The following ARHGAP15 variants were observed in gnomAD, a reference collection of about 807,000 sequenced individuals.
The protein encoded by ARHGAP15 is Rho GTPase activating protein 15, also known as rho GTPase-activating protein 15.
A neutral mutation model predicts 63.7 loss-of-function variants in ARHGAP15; 51 were observed. That is an observed-to-expected ratio of 0.80 (90% confidence interval 0.64 to 1.01). ARHGAP15 has a LOEUF of 1.01. Among genes scored for constraint, ARHGAP15 ranks in the 50% least tolerant of loss-of-function variants. ARHGAP15 has a pLI of 0.00. For missense variants in ARHGAP15, 560 were observed against 564.6 expected, an observed-to-expected ratio of 0.99 and a Z score of 0.08; for synonymous variants, 191 against 193.8, an observed-to-expected ratio of 0.99 and a Z score of 0.12.
At chr2:143,759,728 A>G (rs1225611390) in intron 13 of ARHGAP15, among the ~76,000 whole-genome samples, 1 of 152,134 alleles carries the variant, frequency 6.6e-6, no homozygotes, top group Non-Finnish European at 1.5e-5. Flanking sequence ...GCACCTCGAC[A>G]GGACTCTGCT....
chr2:143,235,894 C>G, intron 5 of ARHGAP15: 4 of 1,515,170 alleles, frequency 2.6e-6, no homozygotes, highest in Non-Finnish European at 3.5e-6. Context: ...TTGACTCTAG[C>G]ACTTCATTTG....
chr2:143,428,860 A>G (rs1689252998), intron 6 of ARHGAP15, among the ~76,000 whole-genome samples: 1 of 152,154 alleles, frequency 6.6e-6, no homozygotes, highest in Non-Finnish European at 1.5e-5. Context: ...CTAAATGAGT[A>G]ATTGAACACA....
chr2:143,328,673 T>C (rs1684367531), intron 6 of ARHGAP15, among the ~76,000 whole-genome samples: 1 of 152,152 alleles, frequency 6.6e-6, no homozygotes, highest in Non-Finnish European at 1.5e-5. Flanking sequence ...CCATGGCACA[T>C]GTGTAGCTAT....
intron 11 of ARHGAP15, among the ~76,000 whole-genome samples, chr2:143,569,936 C>T (rs551067275): frequency 6.6e-6 from 1 of 152,016 alleles, no homozygotes; most frequent in South Asian, 2.1e-4. Context: ...AGAAGAGTGG[C>T]CCAGGAGTTA....
chr2:143,337,017 T>G (rs1684802013), intron 6 of ARHGAP15, among the ~76,000 whole-genome samples: 3 of 148,860 alleles, frequency 2.0e-5, no homozygotes, highest in African/African-American at 2.5e-5. Flanking sequence ...TTTCAGGAGG[T>G]GGAAGGGGGT....
At chr2:143,601,715 G>T (rs1165119694) in intron 11 of ARHGAP15, 1 of 152,054 alleles carries the variant, frequency 6.6e-6, no homozygotes, top group Non-Finnish European at 1.5e-5. Context: ...CATTCTATTA[G>T]GGGTGTCTCA....
chr2:143,760,423 GGTT>G (rs1686720755), intron 13 of ARHGAP15, among the ~76,000 whole-genome samples: 2 of 152,118 alleles, frequency 1.3e-5, no homozygotes, highest in African/African-American at 4.8e-5. Context: ...TTTTATCTGT[GGTT>G]GTTATCACCT....
intron 13 of ARHGAP15, among the ~76,000 whole-genome samples, chr2:143,759,044 GT>G (rs1686673854): frequency 1.3e-5 from 2 of 152,134 alleles, no homozygotes; most frequent in Non-Finnish European, 2.9e-5. Context: ...ATAATTCTTT[GT>G]CATCAGAGCT....
intron 12 of ARHGAP15, among the ~76,000 whole-genome samples, chr2:143,672,497 A>AT (rs891471843): frequency 6.6e-6 from 1 of 152,238 alleles, no homozygotes; most frequent in Non-Finnish European, 1.5e-5. Flanking sequence ...TTTGTGATAC[A>AT]TTTTATCACA....
intron 3 of ARHGAP15, among the ~76,000 whole-genome samples, chr2:143,214,575 G>A (rs1692678550): frequency 6.6e-6 from 1 of 152,130 alleles, no homozygotes; most frequent in African/African-American, 2.4e-5. Flanking sequence ...TGAATACCAT[G>A]GTTCTCAAAA....
chr2:143,224,821 G>A (rs1693141515), intron 4 of ARHGAP15, among the ~76,000 whole-genome samples: 1 of 152,164 alleles, frequency 6.6e-6, no homozygotes, highest in Non-Finnish European at 1.5e-5. Context: ...CCCCTGATAT[G>A]CTAAGAACTA....
intron 13 of ARHGAP15, among the ~76,000 whole-genome samples, chr2:143,753,315 G>A (rs956817357): frequency 3.3e-5 from 5 of 152,174 alleles, no homozygotes; most frequent in Non-Finnish European, 7.4e-5. Flanking sequence ...GCCCATCTCT[G>A]CAAGCAAAGC....
At chr2:143,626,643 G>GC (rs1426523283) in intron 12 of ARHGAP15, among the ~76,000 whole-genome samples, 6 of 152,076 alleles carry the variant, frequency 3.9e-5, no homozygotes, top group Non-Finnish European at 8.8e-5. Context: ...CTATCAGAAT[G>GC]CCCTTTTTTC....
chr2:143,373,781 G>A (rs1412980253), intron 6 of ARHGAP15, among the ~76,000 whole-genome samples: 1 of 152,020 alleles, frequency 6.6e-6, no homozygotes, highest in Non-Finnish European at 1.5e-5. Flanking sequence ...AAGAGTAGAG[G>A]AGACATATAG....
At chr2:143,284,921 G>A (rs984921483) in intron 6 of ARHGAP15, among the ~76,000 whole-genome samples, 2 of 151,952 alleles carry the variant, frequency 1.3e-5, no homozygotes, top group Non-Finnish European at 2.9e-5. Flanking sequence ...TTCTTACTTT[G>A]TTCTGTTTTT....
chr2:143,130,756 A>G (rs1688886877), intron 1 of ARHGAP15, among the ~76,000 whole-genome samples: 1 of 152,132 alleles, frequency 6.6e-6, no homozygotes, highest in Non-Finnish European at 1.5e-5. Context: ...TATTGTTAGC[A>G]TGTAAGAAGA....
At chr2:143,580,429 A>G (rs1416125033) in intron 11 of ARHGAP15, among the ~76,000 whole-genome samples, 1 of 152,064 alleles carries the variant, frequency 6.6e-6, no homozygotes, top group East Asian at 1.9e-4. Context: ...AGACAAATAT[A>G]ATTATTACAG....
At chr2:143,294,449 G>T (rs1308521058) in intron 6 of ARHGAP15, among the ~76,000 whole-genome samples, 2 of 152,046 alleles carry the variant, frequency 1.3e-5, no homozygotes, top group Non-Finnish European at 2.9e-5. Flanking sequence ...CTCATGTGAA[G>T]TTCAGCATGG....
At chr2:143,530,670 A>G (rs1355734005) in intron 10 of ARHGAP15, among the ~76,000 whole-genome samples, 1 of 152,100 alleles carries the variant, frequency 6.6e-6, no homozygotes, top group African/African-American at 2.4e-5. Context: ...TCTACCATCC[A>G]CTGAATAGCC....
Sources: gnomAD v4.1 joint callset for allele counts (sites outside exome capture counted in the v4.1 genomes callset) on GRCh38, gnomAD v4.1.1 for gene constraint, MANE v1.5 for transcripts, NCBI Gene and HGNC (gene_info 2026-07-23, HGNC 2026-07-21) for gene names.